Variants in SKAP1 observed in about 807,000 individuals in gnomAD.
SKAP1 encodes src kinase associated phosphoprotein 1, also known as src kinase-associated phosphoprotein 1.
SKAP1 carries 44 observed loss-of-function variants against 58.5 expected under a neutral mutation model. The observed-to-expected ratio is 0.75, with a 90% CI of 0.59 to 0.97. The LOEUF (loss-of-function observed/expected upper bound fraction) is 0.97. Among genes scored for constraint, SKAP1 ranks in the 50% least tolerant of loss-of-function variants. SKAP1 has a pLI of 0.00. For missense variants in SKAP1, 390 were observed against 435.2 expected (o/e 0.90, Z 0.92); for synonymous variants, 127 against 149.7 (o/e 0.85, Z 1.11).
intron 4 of SKAP1, among the ~76,000 whole-genome samples, chr17:48,229,095 C>T (rs2065099897): frequency 1.3e-5 from 2 of 152,202 alleles, no homozygotes; most frequent in Non-Finnish European, 2.9e-5. Context: ...GGATCCTACT[C>T]TCTTTACACC....
intron 4 of SKAP1, chr17:48,308,663 G>T (rs1016135329): frequency 2.6e-5 from 4 of 152,144 alleles, no homozygotes; most frequent in Admixed American, 6.5e-5. Flanking sequence ...TACATGGAAG[G>T]TCTTTCTAAA....
chr17:48,312,798 C>T (rs1019565026), intron 4 of SKAP1, among the ~76,000 whole-genome samples: 7 of 152,140 alleles, frequency 4.6e-5, no homozygotes, highest in South Asian at 2.1e-4. Flanking sequence ...AAACTTATAA[C>T]GTTTTATTGT....
chr17:48,345,938 C>T lies in SKAP1; in HGVS notation c.247G>A (p.Asp83Asn), dbSNP rs377081667. ...SGTLGLSLTSDAPFLSDYQDE... is the reference protein window; with the variant it reads ...SGTLGLSLTSNAPFLSDYQDE... Reference sequence around the variant, plus strand: ...TGATAATCTGACAAAAAGGGTGCATCGGATGTGAGGGACAGGCCAAGAGTC... The same window carrying T: ...TGATAATCTGACAAAAAGGGTGCATTGGATGTGAGGGACAGGCCAAGAGTC... The change falls in exon 4 of 13, where the codon GAT becomes AAT. Residue 83 changes from aspartate (D) to asparagine (N), a missense_variant. Coordinates refer to ENST00000336915, the MANE Select transcript of SKAP1 (RefSeq NM_003726.4). 8.2e-5 allele frequency: 133 copies of T among 1,613,496 alleles called. No homozygotes were observed. The highest frequency in any genetic ancestry group is 1.7e-4 in the Middle Eastern group (1 of 6,058).
intron 11 of SKAP1, among the ~76,000 whole-genome samples, chr17:48,153,429 C>T (rs536004695): frequency 2.0e-5 from 3 of 152,242 alleles, no homozygotes; most frequent in African/African-American, 4.8e-5. Flanking sequence ...GGTATATGAC[C>T]GTTGCCTTCC....
At chr17:48,313,002 T>C (rs529610532) in intron 4 of SKAP1, among the ~76,000 whole-genome samples, 25 of 152,332 alleles carry the variant, frequency 1.6e-4, no homozygotes, top group African/African-American at 5.0e-4. Flanking sequence ...AAATGCTCCA[T>C]TAAGGAGGTA....
chr17:48,212,229 C>T (rs1388662593), intron 4 of SKAP1, among the ~76,000 whole-genome samples: 1 of 151,962 alleles, frequency 6.6e-6, no homozygotes, highest in Non-Finnish European at 1.5e-5. Context: ...GTGTTTTCCA[C>T]TAATGAAGAG....
At chr17:48,164,802 G>A (rs912638624) in intron 10 of SKAP1, among the ~76,000 whole-genome samples, 1 of 152,208 alleles carries the variant, frequency 6.6e-6, no homozygotes, top group African/African-American at 2.4e-5. Context: ...TTGCTAGCTA[G>A]CTAGAAGTAT....
the SKAP1 span, among the ~76,000 whole-genome samples, chr17:48,436,708 C>T: frequency 3.3e-5 from 5 of 152,132 alleles, no homozygotes; most frequent in African/African-American, 1.2e-4. Context: ...CCTTTCCTCT[C>T]CTTCCCTGCC....
intron 2 of SKAP1, among the ~76,000 whole-genome samples, chr17:48,370,449 C>T (rs1262998067): frequency 2.6e-5 from 4 of 152,026 alleles, no homozygotes; most frequent in South Asian, 2.1e-4. Context: ...GGGAGCAGCA[C>T]GTGCCATCAC....
chr17:48,176,220 G>A (rs779357721), intron 9 of SKAP1, among the ~76,000 whole-genome samples: 52 of 152,134 alleles, frequency 3.4e-4, no homozygotes, highest in African/African-American at 4.6e-4. Flanking sequence ...AAGATGGCTC[G>A]TCATCTCTCT....
At chr17:48,433,157 T>A (rs1181759274), upstream of SKAP1, among the ~76,000 whole-genome samples, 1 of 152,252 alleles carries the variant, frequency 6.6e-6, no homozygotes, top group Non-Finnish European at 1.5e-5. Context: ...AATGACATTC[T>A]GTTAAATGGA....
At chr17:48,209,984 C>G (rs1455868010) in intron 4 of SKAP1, among the ~76,000 whole-genome samples, 1 of 152,188 alleles carries the variant, frequency 6.6e-6, no homozygotes, top group Non-Finnish European at 1.5e-5. Flanking sequence ...ACAAATGCCT[C>G]TGGGAGAGGT....
intron 4 of SKAP1, among the ~76,000 whole-genome samples, chr17:48,286,726 T>A (rs926696968): frequency 6.6e-6 from 1 of 152,210 alleles, no homozygotes; most frequent in African/African-American, 2.4e-5. Context: ...GAGCAAGAGT[T>A]CTTTTGGCTT....
At chr17:48,267,513 C>G (rs1366084810) in intron 4 of SKAP1, among the ~76,000 whole-genome samples, 1 of 152,138 alleles carries the variant, frequency 6.6e-6, no homozygotes, top group Non-Finnish European at 1.5e-5. Flanking sequence ...CTAATAGATA[C>G]TCTATACACA....
At chr17:48,279,998 A>G (rs1358363216) in intron 4 of SKAP1, among the ~76,000 whole-genome samples, 1 of 152,208 alleles carries the variant, frequency 6.6e-6, no homozygotes, top group Admixed American at 6.5e-5. Context: ...ACAGAGAAGA[A>G]AATATACTTA....
At chr17:48,220,890 AAAAG>A (rs958546831) in intron 4 of SKAP1, among the ~76,000 whole-genome samples, 8 of 150,480 alleles carry the variant, frequency 5.3e-5, no homozygotes, top group African/African-American at 1.7e-4. Context: ...AAAGAAAAAA[AAAAG>A]AAAGAGAAGC....
At chr17:48,228,088 T>C (rs536379383) in intron 4 of SKAP1, among the ~76,000 whole-genome samples, 1 of 152,094 alleles carries the variant, frequency 6.6e-6, no homozygotes, top group African/African-American at 2.4e-5. Context: ...GGCTTATGCA[T>C]AGAGAAACAC....
At chr17:48,309,593 G>A (rs1381993332) in intron 4 of SKAP1, among the ~76,000 whole-genome samples, 1 of 151,890 alleles carries the variant, frequency 6.6e-6, no homozygotes, top group African/African-American at 2.4e-5. Flanking sequence ...ATATGTGTTG[G>A]TATATATATA....
At chr17:48,421,901 T>C (rs2067798860) in intron 1 of SKAP1, among the ~76,000 whole-genome samples, 2 of 152,092 alleles carry the variant, frequency 1.3e-5, no homozygotes, top group South Asian at 2.1e-4. Context: ...AGGAAAGAAA[T>C]GGAGATTTTG....
Sources: allele counts gnomAD v4.1 joint callset (sites outside exome capture counted in the v4.1 genomes callset), GRCh38; gene constraint gnomAD v4.1.1; transcripts MANE v1.5; gene names NCBI Gene and HGNC (gene_info 2026-07-23, HGNC 2026-07-21).